Variants in MAST4 observed in about 807,000 individuals in gnomAD.
The protein encoded by MAST4 is microtubule associated serine/threonine kinase family member 4.
A neutral mutation model predicts 162.7 loss-of-function variants in MAST4; 89 were observed. The ratio of observed to expected loss-of-function variants is 0.55; its 90% CI spans 0.46 to 0.65. The LOEUF is 0.65. Among genes scored for constraint, MAST4 ranks in the 30% least tolerant of loss-of-function variants. The probability of loss-of-function intolerance (pLI) is 0.00; values close to 1 mark genes in which losing one functional copy is unlikely to be tolerated. For synonymous variants in MAST4, 1,479 were observed against 1,361.1 expected, an observed-to-expected ratio of 1.09 and a Z score of -1.91; for missense variants, 3,153 against 3,374.0, an observed-to-expected ratio of 0.93 and a Z score of 1.62.
chr5:66,631,324 A>T (rs748974473), intron 1 of MAST4, among the ~76,000 whole-genome samples: 1 of 152,196 alleles, frequency 6.6e-6, no homozygotes, highest in Admixed American at 6.5e-5. Flanking sequence ...AGTAGGGGGT[A>T]AGGAGTTGCT....
At chr5:66,859,750 C>T (rs1287020292) in intron 3 of MAST4, among the ~76,000 whole-genome samples, 1 of 152,292 alleles carries the variant, frequency 6.6e-6, no homozygotes, top group South Asian at 2.1e-4. Flanking sequence ...TTAATGAAGA[C>T]AGCACGGTCC....
intron 3 of MAST4, among the ~76,000 whole-genome samples, chr5:66,836,796 G>A (rs1487426513): frequency 1.3e-5 from 2 of 152,104 alleles, no homozygotes; most frequent in Admixed American, 6.5e-5. Flanking sequence ...CCTACTTGAG[G>A]TTGGGAGGAG....
intron 14 of MAST4, among the ~76,000 whole-genome samples, chr5:67,123,910 C>T (rs1330464889): frequency 6.6e-6 from 1 of 150,954 alleles, no homozygotes; most frequent in East Asian, 1.9e-4. Context: ...CTCCCACATG[C>T]TATCCCTGTA....
intron 3 of MAST4, among the ~76,000 whole-genome samples, chr5:66,847,252 A>G (rs947929282): frequency 6.6e-6 from 1 of 152,198 alleles, no homozygotes; most frequent in Non-Finnish European, 1.5e-5. Context: ...GACGTACACT[A>G]AGTCTAGCAG....
chr5:66,858,744 C>A (rs1025321529), intron 3 of MAST4, among the ~76,000 whole-genome samples: 3 of 152,096 alleles, frequency 2.0e-5, no homozygotes, highest in African/African-American at 4.8e-5. Context: ...ATTACAGTGG[C>A]TCTTGAAATT....
intron 5 of MAST4, among the ~76,000 whole-genome samples, chr5:67,059,691 T>C (rs1759311037): frequency 6.6e-6 from 1 of 152,208 alleles, no homozygotes; most frequent in Admixed American, 6.5e-5. Flanking sequence ...GCTACTTTGA[T>C]GTATTTTTAA....
chr5:67,092,183 T>C (rs1401399379), intron 6 of MAST4, among the ~76,000 whole-genome samples: 1 of 152,216 alleles, frequency 6.6e-6, no homozygotes, highest in Admixed American at 6.5e-5. Context: ...TTTTATTGTT[T>C]TGTAAAATTT....
intron 3 of MAST4, among the ~76,000 whole-genome samples, chr5:66,897,385 T>A (rs1014543744): frequency 2.1e-4 from 32 of 152,346 alleles, no homozygotes; most frequent in African/African-American, 7.7e-4. Flanking sequence ...TAAAATGACT[T>A]GATGCCGTTC....
At chr5:66,903,018 A>G (rs961267149) in intron 4 of MAST4, among the ~76,000 whole-genome samples, 1 of 152,230 alleles carries the variant, frequency 6.6e-6, no homozygotes, top group African/African-American at 2.4e-5. Flanking sequence ...AGCAGGTATA[A>G]TTGCCAAGAA....
intron 3 of MAST4, among the ~76,000 whole-genome samples, chr5:66,832,897 A>G (rs1757711896): frequency 6.6e-6 from 1 of 152,218 alleles, no homozygotes; most frequent in South Asian, 2.1e-4. Flanking sequence ...AAGTATCCAG[A>G]TGGCAAATGA....
chr5:67,098,043 T>A (rs558652630), intron 7 of MAST4, among the ~76,000 whole-genome samples: 43 of 152,264 alleles, frequency 2.8e-4, no homozygotes, highest in Middle Eastern at 6.8e-3. Flanking sequence ...GGGTTAACTG[T>A]TAGTCATTTA....
intron 25 of MAST4, 45 bp downstream of exon 25, chr5:67,152,911 A>T: frequency 6.6e-7 from 1 of 1,511,626 alleles, no homozygotes; most frequent in Non-Finnish European, 9.1e-7. Context: ...ATTTCCAGCC[A>T]AGCTGGAGAG....
intron 4 of MAST4, among the ~76,000 whole-genome samples, chr5:66,965,218 T>G (rs1746561081): frequency 6.7e-6 from 1 of 150,028 alleles, no homozygotes; most frequent in Non-Finnish European, 1.5e-5. Flanking sequence ...TTTTTTTTTT[T>G]TTTTTGCTTT....
chr5:66,763,906 A>G (rs1400040898), intron 2 of MAST4, among the ~76,000 whole-genome samples: 1 of 152,188 alleles, frequency 6.6e-6, no homozygotes, highest in African/African-American at 2.4e-5. Context: ...GAGGAAAACA[A>G]TTACTTTCTG....
At chr5:67,022,586 G>A (rs184401199) in intron 4 of MAST4, among the ~76,000 whole-genome samples, 1 of 152,102 alleles carries the variant, frequency 6.6e-6, no homozygotes, top group South Asian at 2.1e-4. Flanking sequence ...TTTTATAGGG[G>A]CAAAGAACTT....
In MAST4 at chr5:66,825,241, C is replaced by A. The variant is rs142426874; in HGVS notation, c.642+36447C>A. On this transcript the variant is annotated intron_variant, in intron 3 of 28. Transcript: ENST00000403625. The stretch of plus-strand genomic sequence containing the variant: ...AGAAATGTATTTTTTAACTTTTTAA[C>A]CTTTTTTGTTAAAAACTAAGACACA... 8.4e-3 allele frequency among the ~76,000 whole-genome samples: 1,250 copies of A among 148,300 alleles called. 18 individuals carry two copies. Among genetic ancestry groups the A allele is most frequent in the African/African-American group, 0.03 (1,199 of 40,300 alleles).
Position 66,642,120 on chromosome 5 carries a change from G to T in MAST4, c.363+45102G>T, listed in dbSNP as rs777095376. On this transcript the variant is annotated intron_variant, in intron 1 of 28. Coordinates refer to ENST00000403625, the MANE Select transcript of MAST4 (RefSeq NM_001164664.2). Reference sequence around the variant, plus strand: ...AGACATTATGTATTTCCTGATGGAAGTAGACAGCACCACCTAGGATATATT... The same window carrying T: ...AGACATTATGTATTTCCTGATGGAATTAGACAGCACCACCTAGGATATATT... Among the ~76,000 whole-genome samples the T allele has an allele frequency of 9.9e-5, 15 of 152,226 alleles. No individual in the cohort carries two copies. The South Asian group carries it at 1.7e-3, about 17-fold the overall frequency.
intron 5 of MAST4, among the ~76,000 whole-genome samples, chr5:67,070,392 T>G (rs1760811028): frequency 6.6e-6 from 1 of 152,218 alleles, no homozygotes; most frequent in Non-Finnish European, 1.5e-5. Flanking sequence ...TTTCTTCTAG[T>G]GATGTGGGCT....
chr5:66,983,116 A>G (rs1292785412), intron 4 of MAST4, among the ~76,000 whole-genome samples: 1 of 152,120 alleles, frequency 6.6e-6, no homozygotes, highest in Non-Finnish European at 1.5e-5. Context: ...TCAAGTTCCA[A>G]CCCTTTGCTG....
Sources: gnomAD v4.1 joint callset for allele counts (sites outside exome capture counted in the v4.1 genomes callset) on GRCh38, gnomAD v4.1.1 for gene constraint, MANE v1.5 for transcripts, NCBI Gene and HGNC (gene_info 2026-07-23, HGNC 2026-07-21) for gene names.